Variants in GRID1 observed in about 807,000 individuals in gnomAD.
GRID1 encodes the protein glutamate receptor ionotropic, delta-1.
GRID1 carries 28 observed loss-of-function variants against 98.0 expected under a neutral mutation model. The observed-to-expected ratio is 0.29, with a 90% CI of 0.21 to 0.39. The LOEUF (loss-of-function observed/expected upper bound fraction) is 0.39, where lower values mean the gene tolerates loss of function less well. Ranked by LOEUF, GRID1 falls within the 10% of genes least tolerant of loss-of-function variation. The pLI, the probability that GRID1 is intolerant of heterozygous loss-of-function variation, is 1.00. For synonymous variants in GRID1, 553 were observed against 538.5 expected, an observed-to-expected ratio of 1.03 and a Z score of -0.37; for missense variants, 1,111 against 1,340.5, an observed-to-expected ratio of 0.83 and a Z score of 2.67.
chr10:85,716,992 G>A (rs940495140), intron 12 of GRID1, among the ~76,000 whole-genome samples: 1 of 152,062 alleles, frequency 6.6e-6, no homozygotes, highest in Non-Finnish European at 1.5e-5. Context: ...TTTTGTCAAA[G>A]AGTACAGAAT....
chr10:85,988,533 C>T (rs1842639855), intron 4 of GRID1, among the ~76,000 whole-genome samples: 1 of 152,192 alleles, frequency 6.6e-6, no homozygotes, highest in African/African-American at 2.4e-5. Context: ...TCCTAGACCC[C>T]TGGGCCTAGG....
At chr10:85,741,730 T>C (rs543706900) in intron 8 of GRID1, among the ~76,000 whole-genome samples, 2 of 152,286 alleles carry the variant, frequency 1.3e-5, no homozygotes, top group Admixed American at 6.5e-5. Flanking sequence ...CAACTACAGT[T>C]GGGTCCTCCT....
At chr10:86,276,503 C>CT (rs547471621) in intron 2 of GRID1, among the ~76,000 whole-genome samples, 3,667 of 142,474 alleles carry the variant, frequency 0.026, 88 homozygotes, top group African/African-American at 0.071. Flanking sequence ...CTCAATACGA[C>CT]TTTTTTTTTT....
intron 4 of GRID1, among the ~76,000 whole-genome samples, chr10:85,934,026 G>T (rs1841893835): frequency 6.6e-6 from 1 of 152,144 alleles, no homozygotes; most frequent in Non-Finnish European, 1.5e-5. Context: ...CTCAGTGAGG[G>T]TGAATTTGCA....
intron 3 of GRID1, among the ~76,000 whole-genome samples, chr10:86,187,981 A>C (rs755427964): frequency 5.9e-5 from 9 of 152,192 alleles, no homozygotes; most frequent in Non-Finnish European, 1.0e-4. Flanking sequence ...GGGTGATGGA[A>C]GGGCTGGGTG....
intron 2 of GRID1, among the ~76,000 whole-genome samples, chr10:86,294,961 G>T (rs757523218): frequency 6.6e-6 from 1 of 152,140 alleles, no homozygotes; most frequent in Non-Finnish European, 1.5e-5. Context: ...GGGAACAGTG[G>T]GGGCGGGACA....
chr10:85,853,392 G>A (rs2131779761), intron 8 of GRID1, among the ~76,000 whole-genome samples: 1 of 152,322 alleles, frequency 6.6e-6, no homozygotes, highest in South Asian at 2.1e-4. Context: ...TGTCCTTCAT[G>A]CTCCAGGCAC....
intron 12 of GRID1, among the ~76,000 whole-genome samples, chr10:85,721,448 G>A (rs1438570678): frequency 1.3e-5 from 2 of 152,186 alleles, no homozygotes; most frequent in African/African-American, 4.8e-5. Context: ...CAACCCAGAT[G>A]TCCTCCAATG....
intron 4 of GRID1, among the ~76,000 whole-genome samples, chr10:86,114,240 C>A (rs1844537791): frequency 6.6e-6 from 1 of 152,106 alleles, no homozygotes; most frequent in South Asian, 2.1e-4. Flanking sequence ...GGCTCCAGGC[C>A]AGGCTAAATC....
chr10:86,195,065 C>T lies in GRID1; in HGVS notation c.520+11299G>A, dbSNP rs939562038. On this transcript the variant is annotated intron_variant, in intron 3 of 15. Coordinates refer to ENST00000327946, the MANE Select transcript of GRID1 (RefSeq NM_017551.3). The surrounding 1 kb of genome is among the most constrained non-coding windows in gnomAD (Gnocchi z 4.4). Reference sequence around the variant, plus strand: ...AGCAAGGAGTGCCAGAACGCACAACCCTTGCTATGACCCGCTTCAAGTCTG... The same window carrying T: ...AGCAAGGAGTGCCAGAACGCACAACTCTTGCTATGACCCGCTTCAAGTCTG... 5.3e-5 allele frequency among the ~76,000 whole-genome samples: 8 copies of T among 152,194 alleles called. No individual in the cohort carries two copies. The highest frequency in any genetic ancestry group is 2.6e-4 in the Admixed American group (4 of 15,278).
intron 4 of GRID1, among the ~76,000 whole-genome samples, chr10:86,076,053 T>A (rs1843876620): frequency 6.6e-6 from 1 of 152,312 alleles, no homozygotes; most frequent in Non-Finnish European, 1.5e-5. Context: ...GAAAGACTTG[T>A]GAAATCTAAA....
chr10:86,183,339 ATTATTTATTTAT>A (rs58071795), intron 3 of GRID1, among the ~76,000 whole-genome samples: 67 of 149,756 alleles, frequency 4.5e-4, no homozygotes, highest in African/African-American at 1.3e-3. Flanking sequence ...ATATACCACA[ATTATTTATTTAT>A]TTATTTATTT....
chr10:85,628,854 G>C (rs1319493119), intron 13 of GRID1, among the ~76,000 whole-genome samples: 1 of 152,174 alleles, frequency 6.6e-6, no homozygotes, highest in African/African-American at 2.4e-5. Context: ...TAGAATGGGA[G>C]TGGACAATGA....
At chr10:86,004,403 C>T (rs1370415036) in intron 4 of GRID1, among the ~76,000 whole-genome samples, 1 of 152,180 alleles carries the variant, frequency 6.6e-6, no homozygotes, top group Non-Finnish European at 1.5e-5. Flanking sequence ...TGTCCAGATA[C>T]TTGGTCAAAC....
intron 8 of GRID1, among the ~76,000 whole-genome samples, chr10:85,769,254 C>T (rs181290373): frequency 6.8e-4 from 103 of 152,274 alleles, no homozygotes; most frequent in African/African-American, 2.2e-3. Context: ...AAATTAATAC[C>T]AGAACAGAAG....
chr10:85,831,268 T>C (rs887579990), intron 8 of GRID1, among the ~76,000 whole-genome samples: 1 of 151,948 alleles, frequency 6.6e-6, no homozygotes, highest in African/African-American at 2.4e-5. Context: ...TGAGTACAAA[T>C]GGACACTTGA....
intron 4 of GRID1, among the ~76,000 whole-genome samples, chr10:86,123,595 G>A (rs1044093513): frequency 1.3e-5 from 2 of 152,236 alleles, no homozygotes; most frequent in African/African-American, 4.8e-5. Context: ...GGGCTTGGTA[G>A]CAGCCCTGCC....
intron 4 of GRID1, among the ~76,000 whole-genome samples, chr10:85,942,677 C>T (rs927813354): frequency 6.6e-6 from 1 of 152,190 alleles, no homozygotes; most frequent in Non-Finnish European, 1.5e-5. Context: ...CTATGCAAGC[C>T]TTCTCCTCAA....
chr10:85,742,185 C>A (rs1206571334), intron 8 of GRID1, among the ~76,000 whole-genome samples: 1 of 152,164 alleles, frequency 6.6e-6, no homozygotes, highest in African/African-American at 2.4e-5. Context: ...ATGCACTTAA[C>A]AAATTATTTG....
Sources: allele counts gnomAD v4.1 joint callset (sites outside exome capture counted in the v4.1 genomes callset), GRCh38; gene constraint gnomAD v4.1.1; non-coding constraint Gnocchi (gnomAD v3.1); transcripts MANE v1.5; gene names NCBI Gene and HGNC (gene_info 2026-07-23, HGNC 2026-07-21).